Variants in BNC2 observed in about 807,000 individuals in gnomAD.
BNC2 encodes basonuclin zinc finger protein 2.
Under a neutral mutation model 76.3 loss-of-function variants are expected in BNC2, and 20 were observed. That is an observed-to-expected ratio of 0.26 (90% CI 0.18 to 0.38). The LOEUF (loss-of-function observed/expected upper bound fraction) is 0.38, where lower values mean the gene tolerates loss of function less well. BNC2 is among the 10% of genes least tolerant of loss of function. The probability of loss-of-function intolerance (pLI) is 1.00; values close to 1 mark genes in which losing one functional copy is unlikely to be tolerated. For synonymous variants in BNC2, 582 were observed against 514.8 expected (o/e 1.13, Z -1.77); for missense variants, 1,382 against 1,399.8 (o/e 0.99, Z 0.20).
intron 1 of BNC2, among the ~76,000 whole-genome samples, chr9:16,758,977 G>A (rs919372963): frequency 2.0e-5 from 3 of 152,100 alleles, no homozygotes; most frequent in African/African-American, 7.2e-5. Context: ...CAAAGTTCAT[G>A]TTTTTGTTAT....
At chr9:16,823,020 C>G (rs913370448) in intron 1 of BNC2, among the ~76,000 whole-genome samples, 2 of 152,082 alleles carry the variant, frequency 1.3e-5, no homozygotes, top group African/African-American at 2.4e-5. Flanking sequence ...AATGTAATGT[C>G]CTCCTCCACA....
chr9:16,781,662 G>A (rs1034708513), intron 1 of BNC2, among the ~76,000 whole-genome samples: 33 of 151,992 alleles, frequency 2.2e-4, no homozygotes, highest in African/African-American at 7.7e-4. Context: ...ACACATTCGT[G>A]GCAGAATTTT....
chr9:16,695,693 G>A (rs541192940), intron 3 of BNC2, among the ~76,000 whole-genome samples: 12 of 151,916 alleles, frequency 7.9e-5, no homozygotes, highest in African/African-American at 2.7e-4. Context: ...TCTCTTACAC[G>A]CATTCTCGTT....
At chr9:16,714,192 C>G (rs528241523) in intron 3 of BNC2, among the ~76,000 whole-genome samples, 1 of 152,316 alleles carries the variant, frequency 6.6e-6, no homozygotes, top group Non-Finnish European at 1.5e-5. Context: ...AAAGTTTAAA[C>G]ACGGCAGAGG....
At chr9:16,652,037 G>GAATA (rs1821808431) in intron 3 of BNC2, among the ~76,000 whole-genome samples, 1 of 152,060 alleles carries the variant, frequency 6.6e-6, no homozygotes, top group Admixed American at 6.6e-5. Context: ...TTTATAAGTG[G>GAATA]AATATCCTTT....
At chr9:16,574,916 G>A (rs1231936705) in intron 4 of BNC2, among the ~76,000 whole-genome samples, 1 of 152,158 alleles carries the variant, frequency 6.6e-6, no homozygotes, top group Admixed American at 6.5e-5. Context: ...GCAGAGAAGG[G>A]ATTTGACCAC....
At chr9:16,842,742 C>T (rs1270316624) in intron 1 of BNC2, among the ~76,000 whole-genome samples, 1 of 151,566 alleles carries the variant, frequency 6.6e-6, no homozygotes, top group Non-Finnish European at 1.5e-5. Flanking sequence ...TAAGCCTGAA[C>T]TTATTTTATT....
At chr9:16,424,599 C>T (rs961820229) in intron 6 of BNC2, among the ~76,000 whole-genome samples, 1 of 152,082 alleles carries the variant, frequency 6.6e-6, no homozygotes, top group African/African-American at 2.4e-5. Flanking sequence ...CATATACATA[C>T]CATATGCATG....
At chr9:16,807,494 TG>T (rs941030070) in intron 1 of BNC2, among the ~76,000 whole-genome samples, 2 of 152,134 alleles carry the variant, frequency 1.3e-5, no homozygotes, top group African/African-American at 4.8e-5. Context: ...TTAAAAAAGA[TG>T]GAAGTTTTAC....
At chr9:16,613,649 T>C (rs1167441356) in intron 3 of BNC2, among the ~76,000 whole-genome samples, 2 of 152,172 alleles carry the variant, frequency 1.3e-5, no homozygotes, top group Non-Finnish European at 2.9e-5. Flanking sequence ...AACAGGTAAA[T>C]GTAAGGAGGA....
chr9:16,727,323 G>A, intron 3 of BNC2: 1 of 168,264 alleles, frequency 5.9e-6, no homozygotes, highest in Non-Finnish European at 1.3e-5. Context: ...AGGTCTGAAC[G>A]AAGCTGCCTC....
intron 3 of BNC2, among the ~76,000 whole-genome samples, chr9:16,725,528 G>T (rs1011397944): frequency 1.3e-5 from 2 of 151,552 alleles, no homozygotes; most frequent in African/African-American, 4.8e-5. Flanking sequence ...AAAAAAAAAA[G>T]AAAACATATT....
chr9:16,726,099 G>C (rs1824309666), intron 3 of BNC2, among the ~76,000 whole-genome samples: 1 of 152,132 alleles, frequency 6.6e-6, no homozygotes, highest in South Asian at 2.1e-4. Flanking sequence ...ACTAAGGTTA[G>C]CGAAAACACT....
intron 1 of BNC2, among the ~76,000 whole-genome samples, chr9:16,831,422 A>G (rs1267959350): frequency 1.3e-5 from 2 of 152,254 alleles, no homozygotes; most frequent in Admixed American, 6.5e-5. Flanking sequence ...ATCTGTATTC[A>G]CTTGTGTGAC....
Position 16,825,211 on chromosome 9 carries a change from G to C in BNC2, c.3+45435C>G, listed in dbSNP as rs533266466. On this transcript the variant is annotated intron_variant, in intron 1 of 6. Coordinates refer to ENST00000380672, the MANE Select transcript of BNC2 (RefSeq NM_017637.6). ...CCACTTTTCAAAGATGGTACCTAGA[G>C]ATGCTGAGCTGAAAATCATTTATTT... Among the ~76,000 whole-genome samples the C allele has an allele frequency of 3.9e-5, 6 of 152,222 alleles. No homozygotes were observed. In the East Asian group the frequency reaches 9.7e-4, roughly 25 times the overall value.
intron 3 of BNC2, among the ~76,000 whole-genome samples, chr9:16,715,977 C>A (rs954320135): frequency 2.6e-5 from 4 of 152,194 alleles, no homozygotes; most frequent in Non-Finnish European, 4.4e-5. Context: ...AAAGGAAACT[C>A]ATTTTCATAA....
At chr9:16,462,424 G>T (rs10962425) in intron 5 of BNC2, among the ~76,000 whole-genome samples, 29,885 of 152,018 alleles carry the variant, frequency 0.2, 4,714 homozygotes, top group African/African-American at 0.43. Context: ...TGAATTAAAT[G>T]TTTGCCTTTA....
intron 5 of BNC2, among the ~76,000 whole-genome samples, chr9:16,455,828 G>C (rs929892036): frequency 1.3e-5 from 2 of 151,364 alleles, no homozygotes; most frequent in Non-Finnish European, 2.9e-5. Flanking sequence ...ACTTCAGGCA[G>C]TCTAAGGTAT....
intron 3 of BNC2, among the ~76,000 whole-genome samples, chr9:16,647,135 T>C (rs1364861315): frequency 1.3e-5 from 2 of 152,190 alleles, no homozygotes; most frequent in African/African-American, 4.8e-5. Flanking sequence ...CAAGCAAACA[T>C]CTACATATGG....
Sources: gnomAD v4.1 joint callset for allele counts (sites outside exome capture counted in the v4.1 genomes callset) on GRCh38, gnomAD v4.1.1 for gene constraint, MANE v1.5 for transcripts, NCBI Gene and HGNC (gene_info 2026-07-23, HGNC 2026-07-21) for gene names.